The following SMCHD1 variants were observed in gnomAD, a reference collection of about 807,000 sequenced individuals.
SMCHD1 encodes structural maintenance of chromosomes flexible hinge domain containing 1.
Under a neutral mutation model 254.7 loss-of-function variants are expected in SMCHD1, and 78 were observed. The ratio of observed to expected loss-of-function variants is 0.31; its 90% CI spans 0.26 to 0.37. The LOEUF (loss-of-function observed/expected upper bound fraction) is 0.37, where lower values mean the gene tolerates loss of function less well. Among genes scored for constraint, SMCHD1 ranks in the 10% least tolerant of loss-of-function variants. The probability of loss-of-function intolerance (pLI) is 1.00; values close to 1 mark genes in which losing one functional copy is unlikely to be tolerated. For synonymous variants in SMCHD1, 766 were observed against 794.9 expected, an observed-to-expected ratio of 0.96 and a Z score of 0.61; for missense variants, 1,840 against 2,408.1, an observed-to-expected ratio of 0.76 and a Z score of 4.94.
At chr18:2,707,471 T>C in intron 15 of SMCHD1, 92 bp from the exon 16 acceptor site, 1 of 713,194 alleles carries the variant, frequency 1.4e-6, no homozygotes, top group African/African-American at 1.9e-5. Flanking sequence ...ATATCAGCAA[T>C]AAATATTTAA....
At chr18:2,761,309 G>A (rs995218923) in intron 35 of SMCHD1, among the ~76,000 whole-genome samples, 14 of 152,062 alleles carry the variant, frequency 9.2e-5, no homozygotes, top group Non-Finnish European at 2.1e-4. Context: ...TACCTATTAG[G>A]TACTGTGTTT....
chr18:2,682,585 G>A (rs2073957593), intron 5 of SMCHD1, among the ~76,000 whole-genome samples: 1 of 152,206 alleles, frequency 6.6e-6, no homozygotes, highest in Non-Finnish European at 1.5e-5. Context: ...GCCTCCCAAA[G>A]TGCTGGGATT....
At position 2,738,501 on chromosome 18, in the gene SMCHD1, A is replaced by T. The variant is rs747331582; in HGVS notation, c.3381A>T (p.Ser1127=). 4 of 1,612,944 alleles carry T rather than the reference A, an allele frequency of 2.5e-6. No individual in the cohort carries two copies. The highest frequency in any genetic ancestry group is 3.4e-6 in the Non-Finnish European group (4 of 1,179,456). Residue 1127 remains serine (S), a synonymous_variant, in exon 26 of 48, where the codon TCA becomes TCT. Transcript: ENST00000320876. ...AAGATATGCGCTATTGCCAGGTTTC[A>T]TTCCAAGATGATCATGTGTCTTTGG... ...SVKDMRYCQV[S]FQDDHVSLES...
intron 28 of SMCHD1, 50 bp downstream of exon 28, chr18:2,740,871 G>A: frequency 9.6e-7 from 1 of 1,043,474 alleles, no homozygotes; most frequent in Non-Finnish European, 1.4e-6. Context: ...ATTGTTATAT[G>A]TGTAACAAAA....
At chr18:2,708,908 A>ATATATATATATATATATATATATATCT (rs376004447) in intron 17 of SMCHD1, among the ~76,000 whole-genome samples, 1 of 53,228 alleles carries the variant, frequency 1.9e-5, no homozygotes, top group Non-Finnish European at 3.3e-5. Flanking sequence ...ATATATATAT[A>ATATATATATATATATATATATATATCT]ACATATTAAC....
intron 33 of SMCHD1, 98 bp downstream of exon 33, chr18:2,751,491 T>G (rs1045882022): frequency 1.5e-6 from 1 of 660,672 alleles, no homozygotes; most frequent in East Asian, 3.4e-5. Flanking sequence ...TTATATAAAT[T>G]TGAGAAATGG....
At chr18:2,767,811 G>T in intron 37 of SMCHD1, among the ~76,000 whole-genome samples, 1 of 151,492 alleles carries the variant, frequency 6.6e-6, no homozygotes, top group East Asian at 1.9e-4. Flanking sequence ...GGTTTGTCTC[G>T]AACTCTGACC....
intron 1 of SMCHD1, among the ~76,000 whole-genome samples, chr18:2,657,406 TTG>T (rs1240465746): frequency 1.3e-5 from 2 of 152,234 alleles, no homozygotes; most frequent in South Asian, 2.1e-4. Context: ...TAGATTCCCG[TTG>T]TGTTTGAAAA....
At chr18:2,755,818 T>C (rs552967374) in intron 34 of SMCHD1, among the ~76,000 whole-genome samples, 62 of 151,126 alleles carry the variant, frequency 4.1e-4, no homozygotes, top group African/African-American at 7.0e-4. Context: ...CCACCCGCCT[T>C]GGCCTCCCAA....
chr18:2,668,606 TCTTA>T (rs1233297100), intron 3 of SMCHD1, among the ~76,000 whole-genome samples: 3 of 152,100 alleles, frequency 2.0e-5, no homozygotes, highest in African/African-American at 7.2e-5. Flanking sequence ...AACACTAAAG[TCTTA>T]CTTCCTTCAC....
chr18:2,769,631 T>A (rs964355774), intron 37 of SMCHD1, 63 bp from the exon 38 acceptor site: 2 of 1,508,786 alleles, frequency 1.3e-6, no homozygotes, highest in Admixed American at 4.1e-5. Context: ...TTATGTAACA[T>A]TTATATGTTG....
At chr18:2,776,030 A>G in intron 42 of SMCHD1, 106 bp downstream of exon 42, 2 of 963,184 alleles carry the variant, frequency 2.1e-6, no homozygotes, top group South Asian at 1.7e-5. Flanking sequence ...AAAACAGAGA[A>G]TTGACTTGAA....
intron 45 of SMCHD1, among the ~76,000 whole-genome samples, chr18:2,793,009 GTATT>G (rs1451390949): frequency 1.8e-4 from 27 of 152,216 alleles, no homozygotes; most frequent in African/African-American, 6.0e-4. Flanking sequence ...AGGTTCTGGT[GTATT>G]TTTTCTTGTA....
intron 13 of SMCHD1, among the ~76,000 whole-genome samples, chr18:2,704,714 G>C (rs1308415248): frequency 6.6e-6 from 1 of 151,878 alleles, no homozygotes; most frequent in Non-Finnish European, 1.5e-5. Context: ...GAAAGGGGTA[G>C]AGGCTCAGGT....
chr18:2,726,480 G>T lies in SMCHD1; in HGVS notation c.2729G>T (p.Gly910Val). 1 of 1,506,220 alleles carries T rather than the reference G, an allele frequency of 6.6e-7. No individual in the cohort carries two copies. The highest frequency in any genetic ancestry group is 9.0e-7 in the Non-Finnish European group (1 of 1,116,690). The allele number at this position is 1,506,220 out of a possible 1,614,324, so 93.3% of individuals were successfully genotyped here. ...KNYNLKVTLP[G>V]LKEDSQILKI... ...TATAATCTGAAGGTTACTCTGCCTG[G>T]CTTAAAAGAAGACTCACAGATTTTG... Residue 910 changes from glycine (G) to valine (V), a missense_variant, in exon 22 of 48, where the codon GGC becomes GTC. By Grantham distance (109) the Gly-to-Val change is moderately radical. This residue lies in a region of SMCHD1 where 881 missense variants were observed against 1,009.5 expected (regional missense o/e 0.87). Transcript: ENST00000320876.
intron 19 of SMCHD1, among the ~76,000 whole-genome samples, chr18:2,721,208 G>T (rs2074919527): frequency 2.6e-5 from 4 of 152,038 alleles, no homozygotes; most frequent in Admixed American, 1.3e-4. Flanking sequence ...ATGTTCTTGG[G>T]TCTTTCTGCT....
chr18:2,783,357 C>G (rs1452556671), intron 44 of SMCHD1, among the ~76,000 whole-genome samples: 2 of 152,148 alleles, frequency 1.3e-5, no homozygotes, highest in Non-Finnish European at 2.9e-5. Flanking sequence ...TACAAGAAGG[C>G]CCTTTTTCCA....
At chr18:2,736,396 A>G (rs1243470705) in intron 25 of SMCHD1, among the ~76,000 whole-genome samples, 2 of 152,218 alleles carry the variant, frequency 1.3e-5, no homozygotes, top group South Asian at 2.1e-4. Context: ...AACACAAACA[A>G]AAATTGACAA....
intron 7 of SMCHD1, among the ~76,000 whole-genome samples, chr18:2,692,432 TCTC>T (rs764078461): frequency 9.2e-5 from 14 of 152,318 alleles, no homozygotes; most frequent in South Asian, 2.1e-4. Context: ...ATTCTCTCCT[TCTC>T]CTGTCTTCCT....
Sources: gnomAD v4.1 joint callset for allele counts (sites outside exome capture counted in the v4.1 genomes callset) on GRCh38, gnomAD v4.1.1 for gene constraint, gnomAD v4.1.1 regional missense constraint, MANE v1.5 for transcripts, NCBI Gene and HGNC (gene_info 2026-07-23, HGNC 2026-07-21) for gene names.